SLC7A2: variants seen among roughly 807,000 people sequenced by gnomAD.
The protein encoded by SLC7A2 is cationic amino acid transporter 2.
Under a neutral mutation model 58.9 loss-of-function variants are expected in SLC7A2, and 48 were observed. The observed-to-expected ratio is 0.82, with a 90% CI of 0.65 to 1.04. The LOEUF is 1.04. SLC7A2 is among the 50% of genes least tolerant of loss of function. The pLI is 0.00. For synonymous variants in SLC7A2, 363 were observed against 314.5 expected, an observed-to-expected ratio of 1.15 and a Z score of -1.63; for missense variants, 1,029 against 818.8, an observed-to-expected ratio of 1.26 and a Z score of -3.13.
chr8:17,543,102 G>T (rs1251885620), intron 2 of SLC7A2, among the ~76,000 whole-genome samples: 2 of 151,978 alleles, frequency 1.3e-5, no homozygotes, highest in Non-Finnish European at 2.9e-5. Flanking sequence ...TATGCTACAG[G>T]AAATTGAACT....
At chr8:17,523,956 A>C (rs1200225631) in intron 2 of SLC7A2, among the ~76,000 whole-genome samples, 1 of 152,220 alleles carries the variant, frequency 6.6e-6, no homozygotes, top group Non-Finnish European at 1.5e-5. Context: ...ATGAATAGAC[A>C]ATTCTCAAAA....
At position 17,558,387 on chromosome 8, in the gene SLC7A2, C is replaced by A; in HGVS notation, c.1288C>A (p.Leu430Ile). Residue 430 changes from leucine to isoleucine, a missense_variant, in exon 9 of 13, where the codon CTC becomes ATC. Coordinates refer to ENST00000494857, the MANE Select transcript of SLC7A2 (RefSeq NM_001370338.1). ...CTACTCTCTGGTGGCAGCCTGTGTT[C>A]TCATCCTCAGGTGAGTCACCTGGTG... ...MAYSLVAACV[L>I]ILRYQPGLSY... The A allele has an allele frequency of 6.2e-7, 1 of 1,610,172 alleles. No individual in the cohort carries two copies. Among genetic ancestry groups the A allele is most frequent in the South Asian group, 1.1e-5 (1 of 90,702 alleles).
At chr8:17,542,884 C>T (rs1052495363) in intron 2 of SLC7A2, among the ~76,000 whole-genome samples, 1 of 152,058 alleles carries the variant, frequency 6.6e-6, no homozygotes, top group African/African-American at 2.4e-5. Context: ...ATTGTTTGAG[C>T]CCAGGAGGTT....
chr8:17,546,423 C>T (rs565900639), intron 4 of SLC7A2, among the ~76,000 whole-genome samples: 11 of 152,296 alleles, frequency 7.2e-5, no homozygotes, highest in African/African-American at 2.4e-4. Context: ...TGTCTTTTTA[C>T]GTGAAGCCGT....
At chr8:17,563,865 A>G (rs1803142355) in intron 12 of SLC7A2, among the ~76,000 whole-genome samples, 154 bp downstream of exon 12, 1 of 152,110 alleles carries the variant, frequency 6.6e-6, no homozygotes, top group Non-Finnish European at 1.5e-5. Context: ...AGATGTTTTC[A>G]GATGCCTTTT....
intron 2 of SLC7A2, among the ~76,000 whole-genome samples, chr8:17,527,700 A>G (rs1801275038): frequency 6.6e-6 from 1 of 152,088 alleles, no homozygotes; most frequent in Non-Finnish European, 1.5e-5. Context: ...CTGTCATCAC[A>G]TGGCATTCTT....
At chr8:17,557,855 A>C (rs1802783039) in intron 8 of SLC7A2, among the ~76,000 whole-genome samples, 1 of 151,920 alleles carries the variant, frequency 6.6e-6, no homozygotes, top group Admixed American at 6.6e-5. Context: ...TGAGTTGTCT[A>C]TAACTCAGTG....
rs377209292 is a variant in SLC7A2, at chr8:17,536,149, T to C, written c.-22-7169T>C. Among the ~76,000 whole-genome samples, 16 of 152,166 alleles carry C rather than the reference T, an allele frequency of 1.1e-4. No individual in the cohort carries two copies. In the East Asian group the frequency reaches 2.5e-3, roughly 24 times the overall value. Reference sequence around the variant, plus strand: ...AGTTTTAAATGTTTTTAGTAAGTACTGTAGAGCCCTTGGTATTCCTGGGGC... The same window carrying C: ...AGTTTTAAATGTTTTTAGTAAGTACCGTAGAGCCCTTGGTATTCCTGGGGC... On this transcript the variant is annotated intron_variant, in intron 2 of 12. Transcript: ENST00000494857.
chr8:17,538,445 T>C (rs1373657044), intron 2 of SLC7A2, among the ~76,000 whole-genome samples: 1 of 152,206 alleles, frequency 6.6e-6, no homozygotes, highest in Admixed American at 6.5e-5. Flanking sequence ...CCAAGTTTTG[T>C]GGTTTCTGTT....
At chr8:17,504,338 TTCAGTG>T (rs2150647934) in intron 2 of SLC7A2, among the ~76,000 whole-genome samples, 1 of 152,172 alleles carries the variant, frequency 6.6e-6, no homozygotes, top group South Asian at 2.1e-4. Flanking sequence ...TCTTATGGAG[TTCAGTG>T]TCTAGGGGAT....
rs367558937 is a variant in SLC7A2, at chr8:17,562,125, G to A, written c.1671+15G>A. On this transcript the variant is annotated intron_variant, in intron 11 of 12. Coordinates refer to ENST00000494857, the MANE Select transcript of SLC7A2 (RefSeq NM_001370338.1). ...TAGCCTTCATGGTATGTGTAATGAG[G>A]ATTAGAGACCCAAAATACTGTATTC... 1.2e-5 allele frequency: 19 copies of A among 1,587,060 alleles called. No individual in the cohort carries two copies. The highest frequency in any genetic ancestry group is 7.0e-5 in the East Asian group (3 of 42,658).
chr8:17,508,224 T>A (rs185054400), intron 2 of SLC7A2, among the ~76,000 whole-genome samples: 8 of 152,300 alleles, frequency 5.3e-5, no homozygotes, highest in Non-Finnish European at 1.2e-4. Context: ...GATAGTGCAT[T>A]TTTTCTCTAC....
chr8:17,554,918 G>T (rs1465033559), intron 8 of SLC7A2: 10 of 1,612,228 alleles, frequency 6.2e-6, no homozygotes, highest in Non-Finnish European at 8.5e-6. Context: ...AATAACTCAT[G>T]TGTGGATTTT....
upstream of SLC7A2, among the ~76,000 whole-genome samples, chr8:17,496,914 C>T (rs759385326): frequency 5.9e-5 from 9 of 151,868 alleles, no homozygotes; most frequent in Non-Finnish European, 8.8e-5. Flanking sequence ...AGGCAAACCC[C>T]GCTGAGCAGC....
rs957856026 is a variant in SLC7A2, at chr8:17,530,128, G to A, written c.-22-13190G>A. The stretch of plus-strand genomic sequence containing the variant: ...CTAGCTTTTCCCTGCCTCCTACCCC[G>A]TGCTATATAAATAAGCCTGGTTTCT... On this transcript the variant is annotated intron_variant, in intron 2 of 12. Coordinates refer to ENST00000494857, the MANE Select transcript of SLC7A2 (RefSeq NM_001370338.1). Among the ~76,000 whole-genome samples, 14 of 151,998 alleles carry A rather than the reference G, an allele frequency of 9.2e-5. No homozygotes were observed. The East Asian group carries it at 1.4e-3, about 15-fold the overall frequency.
intron 2 of SLC7A2, chr8:17,538,754 T>G: frequency 6.3e-7 from 1 of 1,596,522 alleles, no homozygotes; most frequent in Non-Finnish European, 8.6e-7. Context: ...TCTATACGAT[T>G]TAATTACTTT....
chr8:17,564,859 C>A, intron 12 of SLC7A2, 91 bp from the exon 13 acceptor site: 1 of 1,079,582 alleles, frequency 9.3e-7, no homozygotes, highest in Non-Finnish European at 1.3e-6. Context: ...GAGACAAACT[C>A]TATTAAGTTC....
intron 2 of SLC7A2, among the ~76,000 whole-genome samples, chr8:17,542,689 T>G (rs185285015): frequency 6.6e-6 from 1 of 151,780 alleles, no homozygotes; most frequent in East Asian, 1.9e-4. Flanking sequence ...AATGGATGGT[T>G]GAAGTAAAGA....
chr8:17,557,179 G>T (rs1802746967), intron 8 of SLC7A2, among the ~76,000 whole-genome samples: 1 of 152,170 alleles, frequency 6.6e-6, no homozygotes, highest in South Asian at 2.1e-4. Flanking sequence ...AAGGTAAAAT[G>T]AGATCACAGA....
Sources: gnomAD v4.1 joint callset for allele counts (sites outside exome capture counted in the v4.1 genomes callset) on GRCh38, gnomAD v4.1.1 for gene constraint, MANE v1.5 for transcripts, NCBI Gene and HGNC (gene_info 2026-07-23, HGNC 2026-07-21) for gene names.